EHHADH: variants seen among roughly 807,000 people sequenced by gnomAD.
EHHADH encodes enoyl-CoA hydratase and 3-hydroxyacyl CoA dehydrogenase.
Under a neutral mutation model 64.4 loss-of-function variants are expected in EHHADH, and 48 were observed. The observed-to-expected ratio is 0.75, with a 90% CI of 0.59 to 0.95. The LOEUF (loss-of-function observed/expected upper bound fraction) is 0.95, where lower values mean the gene tolerates loss of function less well. Ranked by LOEUF, EHHADH falls within the 40% of genes least tolerant of loss-of-function variation. The probability of loss-of-function intolerance (pLI) is 0.00; values close to 1 mark genes in which losing one functional copy is unlikely to be tolerated. For missense variants in EHHADH, 854 were observed against 876.6 expected, an observed-to-expected ratio of 0.97 and a Z score of 0.33; for synonymous variants, 308 against 326.7, an observed-to-expected ratio of 0.94 and a Z score of 0.62.
At chr3:185,202,277 T>G (rs1345284981) in intron 6 of EHHADH, among the ~76,000 whole-genome samples, 1 of 150,502 alleles carries the variant, frequency 6.6e-6, no homozygotes, top group African/African-American at 2.5e-5. Flanking sequence ...AGGCGGAGGT[T>G]GTGGTGAGCT....
At chr3:185,237,755 T>C (rs1183899447) in intron 2 of EHHADH, among the ~76,000 whole-genome samples, 1 of 152,204 alleles carries the variant, frequency 6.6e-6, no homozygotes, top group Non-Finnish European at 1.5e-5. Context: ...ACTAAGATTA[T>C]TTAAAATTAT....
chr3:185,214,489 AT>A (rs1050737365), intron 5 of EHHADH, among the ~76,000 whole-genome samples: 2 of 152,116 alleles, frequency 1.3e-5, no homozygotes, highest in African/African-American at 4.8e-5. Flanking sequence ...AAAGTCATCC[AT>A]TTTTTTGGGG....
intron 2 of EHHADH, among the ~76,000 whole-genome samples, chr3:185,247,040 A>G (rs966185886): frequency 6.6e-5 from 10 of 152,108 alleles, no homozygotes; most frequent in Non-Finnish European, 1.2e-4. Flanking sequence ...TACTAGTTAT[A>G]TTTTTGTTAT....
chr3:185,254,000 T>G lies in EHHADH; in HGVS notation c.23A>C (p.His8Pro), dbSNP rs1719827770. 3 of 1,613,972 alleles carry G rather than the reference T, an allele frequency of 1.9e-6. No individual in the cohort carries two copies. The South Asian group carries it at 3.3e-5, about 18-fold the overall frequency. The change falls in exon 1 of 7, where the codon CAC becomes CCC. Residue 8 changes from histidine (H) to proline (P), a missense_variant. Transcript: ENST00000231887. ...GAGGCGGATTAGCGCCAAGGCGTTG[T>G]GCAGCCGCGTATACTCGGCCATGTT... MAEYTRL[H>P]NALALIRLRN...
At chr3:185,228,896 T>C (rs1311640780) in intron 4 of EHHADH, among the ~76,000 whole-genome samples, 1 of 151,836 alleles carries the variant, frequency 6.6e-6, no homozygotes, top group Non-Finnish European at 1.5e-5. Flanking sequence ...CTCCGCTTCC[T>C]GGGTTCAAGC....
At chr3:185,227,790 C>A (rs1452696327) in intron 4 of EHHADH, among the ~76,000 whole-genome samples, 2 of 152,120 alleles carry the variant, frequency 1.3e-5, no homozygotes, top group African/African-American at 2.4e-5. Flanking sequence ...CGCGCCATTG[C>A]ACTCCAGCCT....
chr3:185,196,321 A>G (rs1052087869), intron 6 of EHHADH, among the ~76,000 whole-genome samples: 1 of 152,232 alleles, frequency 6.6e-6, no homozygotes, highest in Non-Finnish European at 1.5e-5. Flanking sequence ...TAGCCAAAAA[A>G]TAGAAGCAAT....
At chr3:185,230,173 G>T (rs573693444) in intron 3 of EHHADH, among the ~76,000 whole-genome samples, 1 of 152,174 alleles carries the variant, frequency 6.6e-6, no homozygotes, top group Non-Finnish European at 1.5e-5. Flanking sequence ...ACAATAACAG[G>T]TGTTGGAGAG....
intron 1 of EHHADH, among the ~76,000 whole-genome samples, chr3:185,252,034 CAA>C (rs1188940079): frequency 6.6e-6 from 1 of 152,118 alleles, no homozygotes; most frequent in Non-Finnish European, 1.5e-5. Context: ...ATTTCTCCTG[CAA>C]AGAGGATGGG....
At chr3:185,223,923 C>T (rs964214399) in intron 4 of EHHADH, among the ~76,000 whole-genome samples, 1 of 152,192 alleles carries the variant, frequency 6.6e-6, no homozygotes, top group Non-Finnish European at 1.5e-5. Context: ...TATGATCAGG[C>T]ATATCCTTTG....
chr3:185,192,624 G>C lies in EHHADH; in HGVS notation c.1774C>G (p.Pro592Ala). 1 of 1,614,182 alleles carries C rather than the reference G, an allele frequency of 6.2e-7. No homozygotes were observed. The highest frequency in any genetic ancestry group is 8.5e-7 in the Non-Finnish European group (1 of 1,180,038). The change falls in exon 7 of 7, where the codon CCT becomes GCT. Residue 592 changes from proline (P) to alanine (A), a missense_variant. Transcript: ENST00000231887. ...YDKPLGRIHK[P>A]DPWLSKFLSR... ...AGGAATTTGGAAAGCCAGGGATCAG[G>C]TTTGTGAATCCTACCCAATGGCTTG...
At chr3:185,232,446 T>C (rs1466212680) in intron 3 of EHHADH, among the ~76,000 whole-genome samples, 1 of 152,184 alleles carries the variant, frequency 6.6e-6, no homozygotes. Flanking sequence ...CCACTTATAA[T>C]GATTTTTTTT....
chr3:185,220,884 T>G (rs1222181910), intron 4 of EHHADH, among the ~76,000 whole-genome samples: 6 of 152,230 alleles, frequency 3.9e-5, no homozygotes, highest in Non-Finnish European at 5.9e-5. Flanking sequence ...TCTTTCCAAA[T>G]GTCATATTCA....
rs375901578 is a variant in EHHADH at position 185,232,274 on chromosome 3, T to C, written c.352-2731A>G. On this transcript the variant is annotated intron_variant, in intron 3 of 6. Transcript: ENST00000231887. ...TACCTCTTTACTTATTGCTAGTAAC[T>C]CAGATCTGCACTCAGGGTACAGGTT... Among the ~76,000 whole-genome samples the C allele has an allele frequency of 5.3e-5, 8 of 152,204 alleles. No individual in the cohort carries two copies. In the East Asian group the frequency reaches 1.2e-3, roughly 22 times the overall value.
chr3:185,215,265 C>T (rs1718651205), intron 5 of EHHADH, among the ~76,000 whole-genome samples: 1 of 152,100 alleles, frequency 6.6e-6, no homozygotes, highest in African/African-American at 2.4e-5. Flanking sequence ...AACTAAATGT[C>T]CATCAACTGA....
chr3:185,248,748 T>C (rs1340572849), intron 1 of EHHADH, among the ~76,000 whole-genome samples: 1 of 152,238 alleles, frequency 6.6e-6, no homozygotes, highest in Non-Finnish European at 1.5e-5. Context: ...ATTAAATTAA[T>C]CCACTTTTTA....
intron 4 of EHHADH, among the ~76,000 whole-genome samples, chr3:185,221,241 C>T (rs1246345516): frequency 6.6e-6 from 1 of 152,164 alleles, no homozygotes; most frequent in Non-Finnish European, 1.5e-5. Flanking sequence ...ACTCATTTTA[C>T]ACTATTATGA....
chr3:185,206,594 G>A (rs938933758), intron 5 of EHHADH, among the ~76,000 whole-genome samples: 2 of 152,186 alleles, frequency 1.3e-5, no homozygotes, highest in African/African-American at 2.4e-5. Context: ...TTGGGAGGCC[G>A]AGGCGGGTGG....
intron 2 of EHHADH, among the ~76,000 whole-genome samples, chr3:185,240,889 T>C (rs1719430694): frequency 6.6e-6 from 1 of 152,226 alleles, no homozygotes; most frequent in South Asian, 2.1e-4. Context: ...ATCTGTGAGA[T>C]TTTGGTGCAC....
Sources: gnomAD v4.1 joint callset for allele counts (sites outside exome capture counted in the v4.1 genomes callset) on GRCh38, gnomAD v4.1.1 for gene constraint, MANE v1.5 for transcripts, NCBI Gene and HGNC (gene_info 2026-07-23, HGNC 2026-07-21) for gene names.